ARK2C: variants seen among roughly 807,000 people sequenced by gnomAD.
ARK2C encodes the protein arkadia (RNF111) C-terminal like ring finger ubiquitin ligase 2C, also known as E3 ubiquitin-protein ligase ARK2C.
the ARK2C span, among the ~76,000 whole-genome samples, chr18:46,389,677 C>A: frequency 6.6e-6 from 1 of 152,208 alleles, no homozygotes; most frequent in South Asian, 2.1e-4. Flanking sequence ...TAGGCCCCTA[C>A]TAGATTTTAT....
At chr18:46,418,219 T>C in the ARK2C span, among the ~76,000 whole-genome samples, 1 of 152,010 alleles carries the variant, frequency 6.6e-6, no homozygotes, top group Non-Finnish European at 1.5e-5. Context: ...TAGCTTTGTG[T>C]GGTCGCACAT....
the ARK2C span, among the ~76,000 whole-genome samples, chr18:46,375,696 C>G: frequency 6.6e-6 from 1 of 152,018 alleles, no homozygotes; most frequent in African/African-American, 2.4e-5. Flanking sequence ...TTCTCTTGTT[C>G]CCAGCAATTT....
At chr18:46,354,728 A>G in the ARK2C span, among the ~76,000 whole-genome samples, 2 of 152,194 alleles carry the variant, frequency 1.3e-5, no homozygotes, top group Non-Finnish European at 2.9e-5. Context: ...TTGCCTCTTA[A>G]AAATCTTTTA....
chr18:46,359,726 G>A, the ARK2C span, among the ~76,000 whole-genome samples: 1 of 152,162 alleles, frequency 6.6e-6, no homozygotes, highest in Non-Finnish European at 1.5e-5. Flanking sequence ...AAAGACCCAG[G>A]CTCCTTCTAC....
At chr18:46,430,592 G>A in the ARK2C span, among the ~76,000 whole-genome samples, 1 of 152,218 alleles carries the variant, frequency 6.6e-6, no homozygotes, top group African/African-American at 2.4e-5. Context: ...CCAGTGAAAT[G>A]TGCAATTTCT....
chr18:46,372,354 T>A, the ARK2C span, among the ~76,000 whole-genome samples: 1 of 152,128 alleles, frequency 6.6e-6, no homozygotes, highest in South Asian at 2.1e-4. Context: ...CCTGCCTCGG[T>A]CCCACCATTG....
chr18:46,399,352 G>T, the ARK2C span, among the ~76,000 whole-genome samples: 1 of 152,234 alleles, frequency 6.6e-6, no homozygotes, highest in Non-Finnish European at 1.5e-5. Context: ...GGATGCTGGG[G>T]TGCTGGCCCC....
At chr18:46,441,267 C>T in the ARK2C span, among the ~76,000 whole-genome samples, 10,655 of 152,254 alleles carry the variant, frequency 0.07, 416 homozygotes, top group African/African-American at 0.083. Context: ...GCTGGGATTA[C>T]AGGTGTGAGC....
chr18:46,334,711 TGTGTGAGAGAGA>T, the ARK2C span: 339 of 107,620 alleles, frequency 3.1e-3, 2 homozygotes, highest in African/African-American at 0.012. The surrounding 1 kb of genome is among the most constrained non-coding windows in gnomAD (Gnocchi z 4.4). Context: ...TGTGTGTGTG[TGTGTGAGAGAGA>T]GAGAGAGCGC....
the ARK2C span, among the ~76,000 whole-genome samples, chr18:46,371,964 G>A: frequency 3.9e-5 from 6 of 152,246 alleles, no homozygotes; most frequent in Middle Eastern, 6.8e-3. Flanking sequence ...GACTCCTAAC[G>A]TACTAGACTT....
At chr18:46,404,713 G>A in the ARK2C span, among the ~76,000 whole-genome samples, 3 of 151,618 alleles carry the variant, frequency 2.0e-5, no homozygotes, top group East Asian at 1.9e-4. Context: ...AGACCGCGCC[G>A]CCACACTCCA....
chr18:46,434,351 CAA>C, the ARK2C span, among the ~76,000 whole-genome samples: 5 of 152,106 alleles, frequency 3.3e-5, no homozygotes, highest in Admixed American at 1.3e-4. Flanking sequence ...AAAATAACAA[CAA>C]ATTCATGTTA....
the ARK2C span, chr18:46,447,625 A>C: frequency 6.2e-7 from 1 of 1,613,860 alleles, no homozygotes; most frequent in African/African-American, 1.3e-5. Context: ...ATCCCTCAGC[A>C]CTATCAGCAT....
chr18:46,335,785 C>A, the ARK2C span: 1 of 545,470 alleles, frequency 1.8e-6, no homozygotes, highest in Non-Finnish European at 2.3e-6. Flanking sequence ...ACCTAAAAGG[C>A]AAGCTTGGCC....
At chr18:46,379,716 C>T in the ARK2C span, among the ~76,000 whole-genome samples, 1 of 152,252 alleles carries the variant, frequency 6.6e-6, no homozygotes. Flanking sequence ...CCCTGGGGAG[C>T]TAATGTACTT....
chr18:46,366,758 A>G, the ARK2C span, among the ~76,000 whole-genome samples: 2 of 152,186 alleles, frequency 1.3e-5, no homozygotes, highest in South Asian at 2.1e-4. Context: ...GATTATGTGC[A>G]TTCTTTTATT....
chr18:46,391,945 C>G, the ARK2C span, among the ~76,000 whole-genome samples: 1 of 151,812 alleles, frequency 6.6e-6, no homozygotes, highest in Non-Finnish European at 1.5e-5. Context: ...ACACAACACA[C>G]ACGCACATGA....
the ARK2C span, among the ~76,000 whole-genome samples, chr18:46,349,818 G>A: frequency 4.0e-4 from 61 of 152,214 alleles, 1 homozygote; most frequent in South Asian, 9.1e-3. Flanking sequence ...CGCTGCACAC[G>A]ATCCACCCAG....
At chr18:46,413,001 C>A in the ARK2C span, among the ~76,000 whole-genome samples, 1 of 152,134 alleles carries the variant, frequency 6.6e-6, no homozygotes, top group Non-Finnish European at 1.5e-5. Context: ...AACAACACAG[C>A]CCCCTCTCCG....
Sources: gnomAD v4.1 joint callset for allele counts (sites outside exome capture counted in the v4.1 genomes callset) on GRCh38, gnomAD v4.1.1 for gene constraint, Gnocchi (gnomAD v3.1) non-coding constraint, MANE v1.5 for transcripts, NCBI Gene and HGNC (gene_info 2026-07-23, HGNC 2026-07-21) for gene names.